The following POU6F2 variants were observed in gnomAD, a reference collection of about 807,000 sequenced individuals.
POU6F2 encodes the protein POU domain, class 6, transcription factor 2.
Under a neutral mutation model 71.3 loss-of-function variants are expected in POU6F2, and 31 were observed. The ratio of observed to expected loss-of-function variants is 0.43; its 90% CI spans 0.33 to 0.59. The LOEUF is 0.59. POU6F2 is among the 20% of genes least tolerant of loss of function. The probability of loss-of-function intolerance (pLI) is 0.04; values close to 1 mark genes in which losing one functional copy is unlikely to be tolerated. For synonymous variants in POU6F2, 347 were observed against 355.7 expected, an observed-to-expected ratio of 0.98 and a Z score of 0.27; for missense variants, 783 against 856.8, an observed-to-expected ratio of 0.91 and a Z score of 1.07.
At chr7:39,372,077 G>A (rs961255652) in intron 5 of POU6F2, among the ~76,000 whole-genome samples, 4 of 152,084 alleles carry the variant, frequency 2.6e-5, no homozygotes, top group African/African-American at 9.7e-5. Flanking sequence ...GCACTACCAT[G>A]CCTGCTAATT....
At chr7:39,172,085 CT>C in intron 2 of POU6F2, among the ~76,000 whole-genome samples, 1 of 152,246 alleles carries the variant, frequency 6.6e-6, no homozygotes, top group East Asian at 1.9e-4. Context: ...AAAGATTTGT[CT>C]TTTAAAATCA....
rs113234703 is a variant in POU6F2, at chr7:39,458,389, T to C, written c.1490-2158T>C. ...ATGTTTACATGTTAGCAAGTGCTTT[T>C]TTTTTTATGTAAACACTAGGAAAGC... On this transcript the variant is annotated intron_variant, in intron 8 of 9. Transcript: ENST00000518318. Among the ~76,000 whole-genome samples, 105 of 152,302 alleles carry C rather than the reference T, an allele frequency of 6.9e-4. No homozygotes were observed. The Middle Eastern group carries it at 0.01, about 15-fold the overall frequency.
intron 4 of POU6F2, among the ~76,000 whole-genome samples, chr7:39,288,318 TG>T (rs1223741829): frequency 6.6e-6 from 1 of 152,150 alleles, no homozygotes; most frequent in Non-Finnish European, 1.5e-5. Context: ...CTATGTGACA[TG>T]GCAAATAACC....
intron 2 of POU6F2, among the ~76,000 whole-genome samples, chr7:39,115,163 T>C (rs1171660852): frequency 2.0e-5 from 3 of 152,164 alleles, no homozygotes; most frequent in Non-Finnish European, 4.4e-5. Flanking sequence ...CCCATGATCA[T>C]ACAGCCAGAG....
intron 2 of POU6F2, among the ~76,000 whole-genome samples, chr7:39,161,265 T>C (rs1430690634): frequency 6.6e-6 from 1 of 152,228 alleles, no homozygotes; most frequent in African/African-American, 2.4e-5. Context: ...GATGGTTTAA[T>C]ACCTTCCACT....
chr7:38,990,652 TG>T, intron 1 of POU6F2, among the ~76,000 whole-genome samples: 1 of 152,112 alleles, frequency 6.6e-6, no homozygotes, highest in East Asian at 1.9e-4. Flanking sequence ...GAGACAGCGT[TG>T]TTCTTTTTCT....
At chr7:39,229,480 A>T (rs1197021166) in intron 4 of POU6F2, among the ~76,000 whole-genome samples, 1 of 152,224 alleles carries the variant, frequency 6.6e-6, no homozygotes, top group Non-Finnish European at 1.5e-5. Context: ...CCGAGGTTTA[A>T]TTTCCCAACA....
intron 5 of POU6F2, among the ~76,000 whole-genome samples, chr7:39,369,300 C>T (rs1280087386): frequency 6.6e-6 from 1 of 152,102 alleles, no homozygotes; most frequent in African/African-American, 2.4e-5. Flanking sequence ...GAGGCAAGAC[C>T]CTCCATCAGC....
rs1562670845 is a variant in POU6F2, at chr7:39,015,891, T to TAGA, written c.105+37833_105+37834insAGA. Among the ~76,000 whole-genome samples the TAGA allele has an allele frequency of 3.2e-4, 25 of 76,980 alleles. 2 individuals carry two copies. Among genetic ancestry groups the TAGA allele is most frequent in the African/African-American group, 9.0e-4 (17 of 18,802 alleles). 50.5% of individuals were successfully genotyped at this position (76,980 alleles called of 152,430 possible). On this transcript the variant is annotated intron_variant, in intron 1 of 9. Transcript: ENST00000518318. ...ATTATATATAGATATATATTATATA[T>TAGA]TATATATAGATATATATTATATATT...
At chr7:39,080,122 A>G (rs1429668995) in intron 1 of POU6F2, among the ~76,000 whole-genome samples, 1 of 152,232 alleles carries the variant, frequency 6.6e-6, no homozygotes, top group African/African-American at 2.4e-5. Flanking sequence ...CAGAAAGTCA[A>G]ATAGAAGTTC....
intron 1 of POU6F2, among the ~76,000 whole-genome samples, chr7:38,991,571 C>G (rs925520937): frequency 6.6e-6 from 1 of 152,156 alleles, no homozygotes; most frequent in Admixed American, 6.6e-5. Context: ...TTGTCATGCA[C>G]CAATGTAATA....
intron 2 of POU6F2, among the ~76,000 whole-genome samples, chr7:39,092,141 G>A (rs987480193): frequency 2.0e-5 from 3 of 152,162 alleles, no homozygotes; most frequent in Admixed American, 6.5e-5. Context: ...GAAAAAGATA[G>A]CAAAGTGTTT....
intron 1 of POU6F2, among the ~76,000 whole-genome samples, chr7:39,079,966 A>C (rs969540150): frequency 7.2e-5 from 11 of 152,230 alleles, no homozygotes; most frequent in Admixed American, 2.6e-4. Flanking sequence ...AAAAAGTGAA[A>C]TTTAAAATAA....
rs566055359 is a variant in POU6F2 at position 38,998,744 on chromosome 7, A to G, written c.105+20686A>G. ...CGGCTCACTGCAAGCTCCGCCTCCA[A>G]GTTCAAGCAATTCTCCTGCCTAAGC... On this transcript the variant is annotated intron_variant, in intron 1 of 9. Transcript: ENST00000518318. Among the ~76,000 whole-genome samples the G allele has an allele frequency of 5.9e-5, 9 of 151,490 alleles. 2 individuals carry two copies. The South Asian group carries it at 1.9e-3, about 32-fold the overall frequency.
At chr7:39,073,625 G>A (rs1330205507) in intron 1 of POU6F2, among the ~76,000 whole-genome samples, 3 of 152,212 alleles carry the variant, frequency 2.0e-5, no homozygotes, top group African/African-American at 4.8e-5. Flanking sequence ...AGGGAGGGAC[G>A]GAGCAGCTGG....
At chr7:39,107,910 C>T (rs1791725789) in intron 2 of POU6F2, among the ~76,000 whole-genome samples, 1 of 152,180 alleles carries the variant, frequency 6.6e-6, no homozygotes, top group African/African-American at 2.4e-5. Flanking sequence ...CTCTCCCCTT[C>T]CTTTGACAAA....
chr7:39,132,872 C>T (rs1055899939), intron 2 of POU6F2, among the ~76,000 whole-genome samples: 3 of 152,072 alleles, frequency 2.0e-5, no homozygotes, highest in Admixed American at 2.0e-4. Context: ...TCAGGACTGC[C>T]TTTTTTCCCC....
intron 3 of POU6F2, 39 bp from the exon 4 acceptor site, chr7:39,207,353 C>G (rs1235077165): frequency 1.9e-6 from 3 of 1,586,916 alleles, no homozygotes; most frequent in Non-Finnish European, 2.6e-6. Context: ...TGCCTTGGTT[C>G]CACAGGAAAG....
chr7:39,056,741 A>C (rs1016221820), intron 1 of POU6F2, among the ~76,000 whole-genome samples: 5 of 148,782 alleles, frequency 3.4e-5, no homozygotes, highest in African/African-American at 7.5e-5. Flanking sequence ...GCTATGTTCT[A>C]TGCCAGTAGG....
Sources: gnomAD v4.1 joint callset for allele counts (sites outside exome capture counted in the v4.1 genomes callset) on GRCh38, gnomAD v4.1.1 for gene constraint, MANE v1.5 for transcripts, NCBI Gene and HGNC (gene_info 2026-07-23, HGNC 2026-07-21) for gene names.